Variants in FAM167B observed in about 807,000 individuals in gnomAD.
FAM167B encodes the protein family with sequence similarity 167 member B.
Under a neutral mutation model 15.4 loss-of-function variants are expected in FAM167B, and 7 were observed. The ratio of observed to expected loss-of-function variants is 0.46; its 90% CI spans 0.26 to 0.86. FAM167B has a LOEUF of 0.86. Among genes scored for constraint, FAM167B ranks in the 40% least tolerant of loss-of-function variants. The pLI, the probability that FAM167B is intolerant of heterozygous loss-of-function variation, is 0.17. For synonymous variants in FAM167B, 100 were observed against 94.6 expected, an observed-to-expected ratio of 1.06 and a Z score of -0.33; for missense variants, 207 against 208.3, an observed-to-expected ratio of 0.99 and a Z score of 0.04.
At position 32,247,291 on chromosome 1, in the gene FAM167B, A is replaced by G; in HGVS notation, c.-131A>G. 7.8e-7 allele frequency: 1 copy of G among 1,276,220 alleles called. No individual in the cohort carries two copies. Among genetic ancestry groups the G allele is most frequent in the South Asian group, 1.9e-5 (1 of 51,696 alleles). 79.1% of individuals were successfully genotyped at this position (1,276,220 alleles called of 1,614,324 possible). A position where few individuals can be genotyped will look rare whatever the true frequency, so the allele number is the denominator to read the frequency against. On this transcript the variant is annotated 5_prime_UTR_variant, in exon 1 of 2. Transcript: ENST00000373582. ...TCAGCCCCCCTAACCCACCTTGAAC[A>G]TTGACCACCACACACTCCCTGGCAC...
rs1204932539 is a variant in FAM167B, at chr1:32,247,273, CCCT to C, written c.-148_-146del. 4.5e-6 allele frequency: 5 copies of C among 1,099,278 alleles called. No individual in the cohort carries two copies. The African/African-American group carries it at 6.5e-5, about 14-fold the overall frequency. The allele number at this position is 1,099,278 out of a possible 1,614,324, so 68.1% of individuals were successfully genotyped here. A position where few individuals can be genotyped will look rare whatever the true frequency, so the allele number is the denominator to read the frequency against. On this transcript the variant is annotated 5_prime_UTR_variant, in exon 1 of 2. Transcript: ENST00000373582. ...TCACTCACCCTGGCACATTCAGCCC[CCCT>C]AACCCACCTTGAACATTGACCACCA...
chr1:32,247,616 G>T lies in FAM167B; in HGVS notation c.195G>T (p.Gly65=). The T allele has an allele frequency of 6.6e-7, 1 of 1,524,100 alleles. No individual in the cohort carries two copies. The highest frequency in any genetic ancestry group is 8.8e-7 in the Non-Finnish European group (1 of 1,133,506). The allele number at this position is 1,524,100 out of a possible 1,614,324, so 94.4% of individuals were successfully genotyped here. ...GGGCCCAAGCCAAACCTGGACCAGGGGGACCTGGGGACATCTGTGGTTTCG... is the reference window on the plus strand; with the variant it reads ...GGGCCCAAGCCAAACCTGGACCAGGTGGACCTGGGGACATCTGTGGTTTCG... The part of the protein sequence containing the change: ...WRRAQAKPGP[G]GPGDICGFDS... Residue 65 remains glycine (G), a synonymous_variant, in exon 1 of 2, where the codon GGG becomes GGT. Transcript: ENST00000373582.
chr1:32,247,633 G>A lies in FAM167B; in HGVS notation c.212G>A (p.Cys71Tyr). The change falls in exon 1 of 2, where the codon TGT becomes TAT. Residue 71 changes from cysteine (C) to tyrosine (Y), a missense_variant. Cys to Tyr is a radical substitution (Grantham distance 194). Transcript: ENST00000373582. ...KPGPGGPGDI[C>Y]GFDSMDSALE... is the part of the protein sequence containing the mutation. Reference sequence around the variant, plus strand: ...GGACCAGGGGGACCTGGGGACATCTGTGGTTTCGACTCAATGGACTCCGCC... The same window carrying A: ...GGACCAGGGGGACCTGGGGACATCTATGGTTTCGACTCAATGGACTCCGCC... The A allele has an allele frequency of 4.6e-6, 7 of 1,509,288 alleles. No individual in the cohort carries two copies. Among genetic ancestry groups the A allele is most frequent in the Non-Finnish European group, 6.2e-6 (7 of 1,125,892 alleles). 93.5% of individuals were successfully genotyped at this position (1,509,288 alleles called of 1,614,324 possible).
chr1:32,247,571 CCA>C lies in FAM167B; in HGVS notation c.151_152del (p.Gln51GlufsTer30), dbSNP rs1318949967. 2 of 1,589,758 alleles carry C rather than the reference CCA, an allele frequency of 1.3e-6. No individual in the cohort carries two copies. The highest frequency in any genetic ancestry group is 2.7e-5 in the African/African-American group (2 of 73,910). Reference sequence around the variant, plus strand: ...CATATCTGGAGTGGACAGCCCAGGTCCAGAGCCAGGCCTGGCGCAGGGCCCAA... The same window carrying C: ...CATATCTGGAGTGGACAGCCCAGGTCGAGCCAGGCCTGGCGCAGGGCCCAA... ...PSYLEWTAQV[Q>X]SQAWRRAQAK... On this transcript the variant is annotated frameshift_variant, in exon 1 of 2. Transcript: ENST00000373582. LOFTEE classifies it high-confidence loss of function.
chr1:32,248,353 GC>G lies in FAM167B; in HGVS notation c.262-13del. The G allele has an allele frequency of 1.3e-6, 2 of 1,544,306 alleles. No homozygotes were observed. Among genetic ancestry groups the G allele is most frequent in the Non-Finnish European group, 8.7e-7 (1 of 1,151,348 alleles). Reference sequence around the variant, plus strand: ...CCGAGGGCCTGTCCAGTAGGCTCACGCCCCCTCTCGGCCGCAGCGGGAGATG... The same window carrying G: ...CCGAGGGCCTGTCCAGTAGGCTCACGCCCCTCTCGGCCGCAGCGGGAGATG... On this transcript the variant is annotated splice_polypyrimidine_tract_variant and intron_variant, in intron 1 of 1. Coordinates refer to ENST00000373582, the MANE Select transcript of FAM167B (RefSeq NM_032648.3).
chr1:32,247,595 C>T lies in FAM167B; in HGVS notation c.174C>T (p.Ala58=). The T allele has an allele frequency of 6.4e-7, 1 of 1,558,480 alleles. No individual in the cohort carries two copies. The highest frequency in any genetic ancestry group is 8.7e-7 in the Non-Finnish European group (1 of 1,150,398). Residue 58 remains alanine, a synonymous_variant, in exon 1 of 2, where the codon GCC becomes GCT. Transcript: ENST00000373582. ...AQVQSQAWRR[A]QAKPGPGGPG... ...TCCAGAGCCAGGCCTGGCGCAGGGC[C>T]CAAGCCAAACCTGGACCAGGGGGAC...
intron 1 of FAM167B, 118 bp downstream of exon 1, chr1:32,247,800 C>A: frequency 1.0e-6 from 1 of 969,904 alleles, no homozygotes; most frequent in Non-Finnish European, 1.4e-6. Context: ...CAACCGCCCG[C>A]TCCGGTGTCC....
chr1:32,248,396 A>G lies in FAM167B; in HGVS notation c.287A>G (p.Gln96Arg). The G allele has an allele frequency of 2.5e-6, 4 of 1,592,340 alleles. No individual in the cohort carries two copies. Among genetic ancestry groups the G allele is most frequent in the Non-Finnish European group, 3.4e-6 (4 of 1,174,486 alleles). Residue 96 changes from glutamine (Q) to arginine (R), a missense_variant, in exon 2 of 2, where the codon CAG (glutamine) becomes CGG (arginine). By Grantham distance (43) the Gln-to-Arg change is conservative (BLOSUM62 1). Transcript: ENST00000373582. ...ELREMQAQDRQLAGQLLRLRA... is the reference protein window; with the variant it reads ...ELREMQAQDRRLAGQLLRLRA... ...CGGGAGATGCAGGCGCAGGACAGGC[A>G]GCTGGCAGGGCAGCTGCTGCGGCTG... is the stretch of plus-strand genomic sequence containing the variant.
At position 32,247,721 on chromosome 1, in the gene FAM167B, C is replaced by G. The variant is rs573768791; in HGVS notation, c.261+39C>G. On this transcript the variant is annotated intron_variant, in intron 1 of 1. Coordinates refer to ENST00000373582, the MANE Select transcript of FAM167B (RefSeq NM_032648.3). The stretch of plus-strand genomic sequence containing the variant: ...GGTGGGCAGCTTTGCCCAGGGCCTT[C>G]AGGCTGGTCCTCCTTAGGGTCCAAG... 4.8e-6 allele frequency: 7 copies of G among 1,449,264 alleles called. No homozygotes were observed. In the East Asian group the frequency reaches 1.6e-4, roughly 32 times the overall value. The allele number at this position is 1,449,264 out of a possible 1,614,324, so 89.8% of individuals were successfully genotyped here. A position where few individuals can be genotyped will look rare whatever the true frequency, so the allele number is the denominator to read the frequency against.
In FAM167B at chr1:32,247,389, C is replaced by T; in HGVS notation, c.-33C>T. 6.8e-7 allele frequency: 1 copy of T among 1,471,804 alleles called. No homozygotes were observed. Among genetic ancestry groups the T allele is most frequent in the Non-Finnish European group, 9.0e-7 (1 of 1,108,166 alleles). 91.2% of individuals were successfully genotyped at this position (1,471,804 alleles called of 1,614,324 possible). On this transcript the variant is annotated 5_prime_UTR_variant, in exon 1 of 2. Transcript: ENST00000373582. ...CAGCCTTTCCCTAATCTCAGAGCTG[C>T]AGCCCTGCCCTGTCACTCACCTCAA...
Position 32,247,304 on chromosome 1 carries a change from C to T in FAM167B, c.-118C>T. On this transcript the variant is annotated 5_prime_UTR_variant, in exon 1 of 2. Coordinates refer to ENST00000373582, the MANE Select transcript of FAM167B (RefSeq NM_032648.3). ...CCCACCTTGAACATTGACCACCACACACTCCCTGGCACGCTCTTCTCACCC... is the reference window on the plus strand; with the variant it reads ...CCCACCTTGAACATTGACCACCACATACTCCCTGGCACGCTCTTCTCACCC... 1 of 1,358,300 alleles carries T rather than the reference C, an allele frequency of 7.4e-7. No homozygotes were observed. The highest frequency in any genetic ancestry group is 2.7e-5 in the East Asian group (1 of 36,994). The allele number at this position is 1,358,300 out of a possible 1,614,324, so 84.1% of individuals were successfully genotyped here.
chr1:32,248,432 T>C lies in FAM167B; in HGVS notation c.323T>C (p.Leu108Pro). ...AGQLLRLRAQ[L>P]HRLKMDQACH... ...CAGCTGCTGCGGCTGCGGGCCCAGC[T>C]GCACCGACTGAAGATGGACCAAGCC... Residue 108 changes from leucine to proline, a missense_variant, in exon 2 of 2, where the codon CTG (leucine) becomes CCG (proline). Transcript: ENST00000373582. 6.2e-7 allele frequency: 1 copy of C among 1,603,826 alleles called. No homozygotes were observed. Among genetic ancestry groups the C allele is most frequent in the South Asian group, 1.1e-5 (1 of 89,740 alleles).
chr1:32,248,574 C>G lies in FAM167B; in HGVS notation c.465C>G (p.Ile155Met). Reference sequence around the variant, plus strand: ...ACCTGGGCCTCACGCGCATGAACATCAGCGCCCGGCGCTTCACCCTCTGCT... The same window carrying G: ...ACCTGGGCCTCACGCGCATGAACATGAGCGCCCGGCGCTTCACCCTCTGCT... ...LRHLGLTRMNISARRFTLC is the reference protein window; with the variant it reads ...LRHLGLTRMNMSARRFTLC The change falls in exon 2 of 2, where the codon ATC becomes ATG. Residue 155 changes from isoleucine to methionine, a missense_variant. By Grantham distance (10) the Ile-to-Met change is conservative. Transcript: ENST00000373582. 1 of 1,544,396 alleles carries G rather than the reference C, an allele frequency of 6.5e-7. No individual in the cohort carries two copies. The highest frequency in any genetic ancestry group is 8.7e-7 in the Non-Finnish European group (1 of 1,146,918).
Position 32,248,553 on chromosome 1 carries a change from G to C in FAM167B, c.444G>C (p.Leu148=), listed in dbSNP as rs200929092. 1 of 1,552,710 alleles carries C rather than the reference G, an allele frequency of 6.4e-7. No individual in the cohort carries two copies. Among genetic ancestry groups the C allele is most frequent in the East Asian group, 2.4e-5 (1 of 41,888 alleles). Residue 148 remains leucine, a synonymous_variant, in exon 2 of 2, where the codon CTG becomes CTC. Coordinates refer to ENST00000373582, the MANE Select transcript of FAM167B (RefSeq NM_032648.3). ...GLALAPLLRH[L]GLTRMNISAR... The stretch of plus-strand genomic sequence containing the variant: ...CCCTGGCCCCGCTGCTGCGGCACCT[G>C]GGCCTCACGCGCATGAACATCAGCG...
Position 32,248,720 on chromosome 1 carries a change from A to C in FAM167B, c.*119A>C. The C allele has an allele frequency of 1.1e-6, 1 of 892,812 alleles. No individual in the cohort carries two copies. Among genetic ancestry groups the C allele is most frequent in the Non-Finnish European group, 1.7e-6 (1 of 604,260 alleles). The allele number at this position is 892,812 out of a possible 1,614,324, so 55.3% of individuals were successfully genotyped here. A position where few individuals can be genotyped will look rare whatever the true frequency, so the allele number is the denominator to read the frequency against. ...ACCAGCTCCTGGCGGGGGAGGAGGAACATTCAGGTTTCTGAGAGCTGAATT... is the reference window on the plus strand; with the variant it reads ...ACCAGCTCCTGGCGGGGGAGGAGGACCATTCAGGTTTCTGAGAGCTGAATT... On this transcript the variant is annotated 3_prime_UTR_variant, in exon 2 of 2. Transcript: ENST00000373582.
chr1:32,248,797 G>T lies in FAM167B; in HGVS notation c.*196G>T, dbSNP rs543537424. The T allele has an allele frequency of 7.3e-5, 44 of 605,018 alleles. No homozygotes were observed. In the African/African-American group the frequency reaches 8.0e-4, roughly 11 times the overall value. 37.5% of individuals were successfully genotyped at this position (605,018 alleles called of 1,614,324 possible). A position where few individuals can be genotyped will look rare whatever the true frequency, so the allele number is the denominator to read the frequency against. On this transcript the variant is annotated 3_prime_UTR_variant, in exon 2 of 2. Coordinates refer to ENST00000373582, the MANE Select transcript of FAM167B (RefSeq NM_032648.3). ...GTTTCCTCTGCTGACCCAGCTGGGA[G>T]GGGGAGGAGGAGGAGCTCACACCCT...
Position 32,248,766 on chromosome 1 carries a change from C to T in FAM167B, c.*165C>T, listed in dbSNP as rs1639442399. On this transcript the variant is annotated 3_prime_UTR_variant, in exon 2 of 2. Coordinates refer to ENST00000373582, the MANE Select transcript of FAM167B (RefSeq NM_032648.3). ...GAATTCCAAGAGTGCAAAACCCCAG[C>T]ATCCTGTTTCCTCTGCTGACCCAGC... The T allele has an allele frequency of 1.5e-6, 1 of 668,632 alleles. No homozygotes were observed. The highest frequency in any genetic ancestry group is 2.5e-6 in the Non-Finnish European group (1 of 401,548). The allele number at this position is 668,632 out of a possible 1,614,324, so 41.4% of individuals were successfully genotyped here.
chr1:32,247,739 G>A, intron 1 of FAM167B, 57 bp downstream of exon 1: 1 of 1,420,218 alleles, frequency 7.0e-7, no homozygotes, highest in East Asian at 2.6e-5. Context: ...TCCTCCTTAG[G>A]GTCCAAGACC....
intron 1 of FAM167B, 141 bp downstream of exon 1, chr1:32,247,823 C>A: frequency 1.4e-6 from 1 of 733,940 alleles, no homozygotes; most frequent in Non-Finnish European, 2.0e-6. Context: ...GGCTGAGGAG[C>A]CGGGAATGGA....
Sources: allele counts gnomAD v4.1 joint callset, GRCh38; gene constraint gnomAD v4.1.1; transcripts MANE v1.5; gene names NCBI Gene and HGNC (gene_info 2026-07-23, HGNC 2026-07-21).